Variants in ARHGAP19 observed in about 807,000 individuals in gnomAD.
The protein encoded by ARHGAP19 is rho GTPase-activating protein 19.
In ARHGAP19, 48 loss-of-function variants were observed where a neutral mutation model predicts 60.9. The observed-to-expected ratio is 0.79, with a 90% CI of 0.62 to 1.00. The LOEUF is 1.00. Ranked by LOEUF, ARHGAP19 falls within the 50% of genes least tolerant of loss-of-function variation. The pLI, the probability that ARHGAP19 is intolerant of heterozygous loss-of-function variation, is 0.00. For synonymous variants in ARHGAP19, 209 were observed against 215.5 expected (o/e 0.97, Z 0.27); for missense variants, 562 against 597.2 (o/e 0.94, Z 0.61).
chr10:97,252,324 C>T (rs866783346), intron 6 of ARHGAP19, among the ~76,000 whole-genome samples: 1 of 133,800 alleles, frequency 7.5e-6, no homozygotes, highest in East Asian at 2.3e-4. Flanking sequence ...GAGACTGTCT[C>T]AAAAAAAAAA....
intron 6 of ARHGAP19, among the ~76,000 whole-genome samples, chr10:97,254,447 TCA>T (rs1434595140): frequency 2.6e-5 from 4 of 152,188 alleles, no homozygotes; most frequent in African/African-American, 9.7e-5. Flanking sequence ...GACAGTTTCT[TCA>T]ACAAATGGTG....
chr10:97,245,142 A>T (rs1024698757), intron 7 of ARHGAP19, among the ~76,000 whole-genome samples: 1 of 152,006 alleles, frequency 6.6e-6, no homozygotes, highest in African/African-American at 2.4e-5. Context: ...AGTAGCTGAG[A>T]CTACAGGTAC....
intron 9 of ARHGAP19, among the ~76,000 whole-genome samples, chr10:97,232,919 G>A (rs1464635062): frequency 6.6e-6 from 1 of 152,034 alleles, no homozygotes; most frequent in Admixed American, 6.6e-5. Context: ...AGGCCGAAGC[G>A]GGCAGATTAC....
chr10:97,270,753 C>T, intron 1 of ARHGAP19: 2 of 1,322,096 alleles, frequency 1.5e-6, no homozygotes, highest in South Asian at 1.5e-5. Context: ...GATACAAGGG[C>T]ACATTATGGG....
At chr10:97,292,386 G>A (rs1271437397) in intron 1 of ARHGAP19, among the ~76,000 whole-genome samples, 186 bp downstream of exon 1, 4 of 152,234 alleles carry the variant, frequency 2.6e-5, no homozygotes, top group African/African-American at 9.6e-5. Flanking sequence ...CGAGCGGGGG[G>A]TTTGGCTGGA....
At chr10:97,231,354 T>C (rs1851013345) in intron 9 of ARHGAP19, among the ~76,000 whole-genome samples, 1 of 152,182 alleles carries the variant, frequency 6.6e-6, no homozygotes, top group Admixed American at 6.5e-5. Flanking sequence ...TACAGTTCAA[T>C]GGTATTAAGT....
At chr10:97,285,111 C>T (rs1484547635) in intron 1 of ARHGAP19, among the ~76,000 whole-genome samples, 4 of 151,620 alleles carry the variant, frequency 2.6e-5, no homozygotes, top group African/African-American at 7.3e-5. Context: ...GTGATCCGCC[C>T]GCCTCCGCCT....
At chr10:97,285,565 A>G (rs376442354) in intron 1 of ARHGAP19, among the ~76,000 whole-genome samples, 208 of 129,210 alleles carry the variant, frequency 1.6e-3, no homozygotes, top group African/African-American at 6.1e-3. Context: ...TCTGTTGCCC[A>G]GGCTGGAGTA....
intron 1 of ARHGAP19, among the ~76,000 whole-genome samples, chr10:97,274,018 A>G (rs1842993751): frequency 6.6e-6 from 1 of 152,130 alleles, no homozygotes; most frequent in Non-Finnish European, 1.5e-5. Context: ...CTATATGATG[A>G]CATTTATATC....
intron 1 of ARHGAP19, among the ~76,000 whole-genome samples, chr10:97,283,235 G>A (rs990392623): frequency 5.3e-5 from 8 of 152,148 alleles, no homozygotes; most frequent in Non-Finnish European, 8.8e-5. Context: ...TCCAGCATCT[G>A]TAGAAACAAC....
chr10:97,259,376 TC>T (rs371482406), intron 5 of ARHGAP19, 25 bp downstream of exon 5: 6 of 1,576,760 alleles, frequency 3.8e-6, no homozygotes, highest in African/African-American at 2.7e-5. Flanking sequence ...AACCAAGCAA[TC>T]TTTACTCTTC....
In ARHGAP19 at chr10:97,225,033, T is replaced by G. The variant is rs1365740025; in HGVS notation, c.*1089A>C. The G allele has an allele frequency of 6.6e-6, 1 of 152,362 alleles. No individual in the cohort carries two copies. The highest frequency in any genetic ancestry group is 6.5e-5 in the Admixed American group (1 of 15,284). 9.4% of individuals were successfully genotyped at this position (152,362 alleles called of 1,614,324 possible). The stretch of plus-strand genomic sequence containing the variant: ...AGCCCTGCAGAGGTTGCTGCTTGCT[T>G]CTTCTTTCTGATCCTAACTTCCTCT... On this transcript the variant is annotated 3_prime_UTR_variant, in exon 12 of 12. Coordinates refer to ENST00000358531, the MANE Select transcript of ARHGAP19 (RefSeq NM_032900.6).
intron 8 of ARHGAP19, among the ~76,000 whole-genome samples, chr10:97,240,548 G>T (rs1357642824): frequency 6.6e-6 from 1 of 152,230 alleles, no homozygotes; most frequent in Non-Finnish European, 1.5e-5. Context: ...TTACTCGGGA[G>T]GTTGAGGCAG....
chr10:97,239,552 GT>G (rs1564713508), intron 8 of ARHGAP19, among the ~76,000 whole-genome samples: 3,140 of 9,890 alleles, frequency 0.32, 100 homozygotes, highest in East Asian at 0.47. Flanking sequence ...GAGAGAGAGG[GT>G]GTGTGTGTGT....
chr10:97,241,850 A>C (rs1842487632), intron 8 of ARHGAP19, among the ~76,000 whole-genome samples: 1 of 151,918 alleles, frequency 6.6e-6, no homozygotes, highest in Non-Finnish European at 1.5e-5. Flanking sequence ...TCTACTAAAA[A>C]TACAAAAAAA....
chr10:97,231,104 G>C (rs978088505), intron 9 of ARHGAP19, among the ~76,000 whole-genome samples: 1 of 114,438 alleles, frequency 8.7e-6, no homozygotes, highest in Non-Finnish European at 1.8e-5. Context: ...AACACATAGA[G>C]GAACATTTAT....
chr10:97,287,496 C>T (rs976985005), intron 1 of ARHGAP19, among the ~76,000 whole-genome samples: 3 of 152,190 alleles, frequency 2.0e-5, no homozygotes, highest in South Asian at 2.1e-4. Flanking sequence ...ATTCCCAACA[C>T]TTTGGGAGGC....
At chr10:97,279,728 G>A (rs1843060810) in intron 1 of ARHGAP19, among the ~76,000 whole-genome samples, 1 of 152,052 alleles carries the variant, frequency 6.6e-6, no homozygotes, top group East Asian at 1.9e-4. Flanking sequence ...GGGCCCAAGT[G>A]ATCCTCGCAC....
chr10:97,283,831 T>TAA (rs55665818), intron 1 of ARHGAP19, among the ~76,000 whole-genome samples: 71,113 of 126,512 alleles, frequency 0.56, 20,754 homozygotes, highest in East Asian at 0.71. Flanking sequence ...TCATCTCTAT[T>TAA]AAAAAAAAAA....
Sources: gnomAD v4.1 joint callset for allele counts (sites outside exome capture counted in the v4.1 genomes callset) on GRCh38, gnomAD v4.1.1 for gene constraint, MANE v1.5 for transcripts, NCBI Gene and HGNC (gene_info 2026-07-23, HGNC 2026-07-21) for gene names.